Variants in TLK2 observed in about 807,000 individuals in gnomAD.
TLK2 encodes tousled like kinase 2, also known as serine/threonine-protein kinase tousled-like 2.
Under a neutral mutation model 117.3 loss-of-function variants are expected in TLK2, and 6 were observed. The observed-to-expected ratio is 0.05, with a 90% CI of 0.03 to 0.10. The LOEUF is 0.10. Among genes scored for constraint, TLK2 ranks in the 10% least tolerant of loss-of-function variants. The pLI, the probability that TLK2 is intolerant of heterozygous loss-of-function variation, is 1.00. For synonymous variants in TLK2, 257 were observed against 316.7 expected, an observed-to-expected ratio of 0.81 and a Z score of 2.00; for missense variants, 299 against 901.2, an observed-to-expected ratio of 0.33 and a Z score of 8.56.
chr17:62,576,966 CT>C (rs59523807), intron 13 of TLK2, among the ~76,000 whole-genome samples, 191 bp downstream of exon 13: 16,543 of 115,946 alleles, frequency 0.14, 2,252 homozygotes, highest in African/African-American at 0.35. Flanking sequence ...CTTTCTTCTT[CT>C]TTTTTTTTTT....
At chr17:62,516,239 C>CT in intron 2 of TLK2, 1 of 807,494 alleles carries the variant, frequency 1.2e-6, no homozygotes, top group Non-Finnish European at 2.0e-6. Context: ...CTGTTTTCTT[C>CT]TAAGAGTTGA....
chr17:62,589,970 C>A (rs765163321), intron 16 of TLK2, among the ~76,000 whole-genome samples: 11 of 151,598 alleles, frequency 7.3e-5, no homozygotes, highest in Non-Finnish European at 1.2e-4. Context: ...CCAAGCCTGG[C>A]TAACTTTTTT....
chr17:62,508,417 A>T, intron 2 of TLK2: 3 of 957,240 alleles, frequency 3.1e-6, no homozygotes, highest in Non-Finnish European at 3.7e-6. Flanking sequence ...GGAAAACTAG[A>T]AAAGAGGAGG....
At chr17:62,596,413 G>C (rs147143205) in intron 16 of TLK2, among the ~76,000 whole-genome samples, 172 bp from the exon 17 acceptor site, 135 of 152,294 alleles carry the variant, frequency 8.9e-4, no homozygotes, top group Non-Finnish European at 1.5e-3. Context: ...GTAGATTCCA[G>C]TGGAGAAAAT....
chr17:62,561,003 G>A (rs1330642477), intron 10 of TLK2, among the ~76,000 whole-genome samples: 2 of 152,084 alleles, frequency 1.3e-5, no homozygotes, highest in Non-Finnish European at 2.9e-5. Flanking sequence ...ACAGGCCCCG[G>A]TGTGTGATGT....
At chr17:62,563,024 A>G (rs2079422918) in intron 10 of TLK2, among the ~76,000 whole-genome samples, 1 of 152,256 alleles carries the variant, frequency 6.6e-6, no homozygotes, top group Non-Finnish European at 1.5e-5. Context: ...AATTTTATTC[A>G]TAGCCAAAAA....
intron 16 of TLK2, among the ~76,000 whole-genome samples, chr17:62,594,629 A>G (rs1046962861): frequency 6.6e-6 from 1 of 152,228 alleles, no homozygotes; most frequent in Admixed American, 6.5e-5. Flanking sequence ...GTTGAAATGT[A>G]TATGAGCTTT....
chr17:62,504,727 G>A (rs572306351), intron 2 of TLK2, among the ~76,000 whole-genome samples: 16 of 152,168 alleles, frequency 1.1e-4, no homozygotes, highest in Non-Finnish European at 2.1e-4. Flanking sequence ...AGGATTGCTT[G>A]AGCCTGGGAG....
intron 21 of TLK2, among the ~76,000 whole-genome samples, chr17:62,609,062 A>C (rs754690574): frequency 3.9e-5 from 6 of 152,136 alleles, no homozygotes; most frequent in Non-Finnish European, 4.4e-5. Flanking sequence ...TTTTAAAGTC[A>C]AAGTGAGCAG....
At chr17:62,473,831 C>T (rs2923252), upstream of TLK2, among the ~76,000 whole-genome samples, 3 of 152,104 alleles carry the variant, frequency 2.0e-5, no homozygotes, top group South Asian at 4.1e-4. Context: ...CAATATGGCC[C>T]GCAAAGCCTG....
Position 62,495,092 on chromosome 17 carries a change from G to A in TLK2, c.81+13886G>A, listed in dbSNP as rs111885103. ...TGAGGCAGGAGGATCACTTGAACCC[G>A]GGAGGCGGAGGTTGCTGTGAGCCAA... On this transcript the variant is annotated intron_variant, in intron 2 of 21. Coordinates refer to ENST00000346027, the MANE Select transcript of TLK2 (RefSeq NM_006852.6). Among the ~76,000 whole-genome samples the A allele has an allele frequency of 3.6e-3, 543 of 152,078 alleles. 2 individuals carry two copies. The highest frequency in any genetic ancestry group is 0.012 in the African/African-American group (501 of 41,512).
At chr17:62,577,152 G>A (rs1420950385) in intron 13 of TLK2, among the ~76,000 whole-genome samples, 1 of 151,736 alleles carries the variant, frequency 6.6e-6, no homozygotes. Flanking sequence ...TAGTAGAGAC[G>A]GGGGTCTCAC....
chr17:62,540,068 CCTTTCTTCTTTCTT>C (rs149576009), intron 7 of TLK2, among the ~76,000 whole-genome samples: 2 of 149,742 alleles, frequency 1.3e-5, no homozygotes, highest in Non-Finnish European at 3.0e-5. Flanking sequence ...TCTTCTTTCT[CCTTTCTTCTTTCTT>C]CTTCTTTCTT....
intron 10 of TLK2, 148 bp downstream of exon 10, chr17:62,560,274 A>C: frequency 1.9e-6 from 1 of 531,170 alleles, no homozygotes. Flanking sequence ...TTTTCCTTAC[A>C]TGGACACCAG....
At chr17:62,608,854 C>T (rs1246393063) in intron 21 of TLK2, among the ~76,000 whole-genome samples, 2 of 151,922 alleles carry the variant, frequency 1.3e-5, no homozygotes, top group African/African-American at 2.4e-5. Context: ...ATAAAAAACT[C>T]GTGAGGCAAA....
chr17:62,604,277 G>C lies in TLK2; in HGVS notation c.1860-1853G>C, dbSNP rs191096189. Among the ~76,000 whole-genome samples the C allele has an allele frequency of 5.8e-3, 877 of 152,208 alleles. 8 individuals carry two copies. Among genetic ancestry groups the C allele is most frequent in the African/African-American group, 0.02 (836 of 41,546 alleles). On this transcript the variant is annotated intron_variant, in intron 19 of 21. Coordinates refer to ENST00000346027, the MANE Select transcript of TLK2 (RefSeq NM_006852.6). ...CCGCCTCGGCCTCCCAAAGTGCTGGGAATATAGGCGTGAGCCACCACGCCT... is the reference window on the plus strand; with the variant it reads ...CCGCCTCGGCCTCCCAAAGTGCTGGCAATATAGGCGTGAGCCACCACGCCT...
At chr17:62,501,282 C>T (rs1485133595) in intron 2 of TLK2, among the ~76,000 whole-genome samples, 1 of 151,932 alleles carries the variant, frequency 6.6e-6, no homozygotes, top group South Asian at 2.1e-4. Context: ...AAAATGAAAA[C>T]ACAGTATATC....
At chr17:62,525,078 A>C (rs796439933) in intron 6 of TLK2, among the ~76,000 whole-genome samples, 2 of 152,204 alleles carry the variant, frequency 1.3e-5, no homozygotes, top group South Asian at 4.1e-4. Context: ...GTGTCTTCGC[A>C]TTATTTGTTG....
At chr17:62,487,736 G>A (rs1235341006) in intron 2 of TLK2, among the ~76,000 whole-genome samples, 3 of 140,098 alleles carry the variant, frequency 2.1e-5, no homozygotes, top group African/African-American at 5.3e-5. Context: ...TGATTCTCCT[G>A]CCTCAGCCTC....
Sources: allele counts gnomAD v4.1 joint callset (sites outside exome capture counted in the v4.1 genomes callset), GRCh38; gene constraint gnomAD v4.1.1; transcripts MANE v1.5; gene names NCBI Gene and HGNC (gene_info 2026-07-23, HGNC 2026-07-21).